DOCK3: variants seen among roughly 807,000 people sequenced by gnomAD.
DOCK3 encodes dedicator of cytokinesis 3.
Under a neutral mutation model 265.6 loss-of-function variants are expected in DOCK3, and 60 were observed. That is an observed-to-expected ratio of 0.23 (90% confidence interval 0.18 to 0.28). The LOEUF (loss-of-function observed/expected upper bound fraction) is 0.28. Ranked by LOEUF, DOCK3 falls within the 10% of genes least tolerant of loss-of-function variation. DOCK3 has a pLI of 1.00. For missense variants in DOCK3, 1,981 were observed against 2,594.3 expected (o/e 0.76, Z 5.14); for synonymous variants, 881 against 938.0 (o/e 0.94, Z 1.11).
At chr3:50,935,314 A>G (rs2051295723) in intron 5 of DOCK3, among the ~76,000 whole-genome samples, 1 of 152,190 alleles carries the variant, frequency 6.6e-6, no homozygotes, top group South Asian at 2.1e-4. Flanking sequence ...TTTTATACAT[A>G]CATCCTCCCC....
intron 1 of DOCK3, among the ~76,000 whole-genome samples, chr3:50,738,734 A>G (rs2038806881): frequency 6.6e-6 from 1 of 152,224 alleles, no homozygotes; most frequent in South Asian, 2.1e-4. Flanking sequence ...CCCAAATCAC[A>G]ATAGAAAATT....
At chr3:51,225,176 C>T (rs1159618355) in intron 14 of DOCK3, among the ~76,000 whole-genome samples, 1 of 152,136 alleles carries the variant, frequency 6.6e-6, no homozygotes, top group Non-Finnish European at 1.5e-5. Context: ...ATCCTCTAGT[C>T]AGACTCAGAA....
At chr3:51,013,011 G>A (rs2079012956) in intron 5 of DOCK3, among the ~76,000 whole-genome samples, 1 of 152,080 alleles carries the variant, frequency 6.6e-6, no homozygotes. Flanking sequence ...GTCATTTCAG[G>A]TCTTCTCCAC....
chr3:51,232,467 G>A (rs1003177994), intron 19 of DOCK3, among the ~76,000 whole-genome samples: 3 of 152,142 alleles, frequency 2.0e-5, no homozygotes, highest in Admixed American at 2.0e-4. Flanking sequence ...TTCCATAGTG[G>A]TTGTACTAAT....
At chr3:51,112,623 G>A (rs961309485) in intron 9 of DOCK3, among the ~76,000 whole-genome samples, 3 of 152,186 alleles carry the variant, frequency 2.0e-5, no homozygotes, top group Non-Finnish European at 4.4e-5. Context: ...TGACAATAAA[G>A]ATAAAAGGAC....
intron 2 of DOCK3, among the ~76,000 whole-genome samples, chr3:50,813,511 G>GT (rs1418328781): frequency 2.0e-5 from 3 of 152,086 alleles, no homozygotes; most frequent in African/African-American, 7.2e-5. Flanking sequence ...GGGTGACAGA[G>GT]TGAGACCTTG....
intron 4 of DOCK3, among the ~76,000 whole-genome samples, chr3:50,903,281 A>G (rs2049299989): frequency 1.3e-5 from 2 of 152,122 alleles, no homozygotes; most frequent in African/African-American, 2.4e-5. Flanking sequence ...TTGCCTTTTC[A>G]ATATGATATT....
chr3:50,790,387 C>T (rs948899966), intron 2 of DOCK3, among the ~76,000 whole-genome samples: 1 of 147,888 alleles, frequency 6.8e-6, no homozygotes, highest in African/African-American at 2.5e-5. Context: ...TTCTCATTTG[C>T]TATTGTTTTA....
chr3:51,027,438 G>T (rs1187170827), intron 5 of DOCK3, among the ~76,000 whole-genome samples: 2 of 151,876 alleles, frequency 1.3e-5, no homozygotes, highest in Non-Finnish European at 2.9e-5. Context: ...ATTTTAGGTG[G>T]GGTATTCTGT....
At chr3:50,932,748 C>T (rs963962033) in intron 4 of DOCK3, among the ~76,000 whole-genome samples, 7 of 152,132 alleles carry the variant, frequency 4.6e-5, no homozygotes, top group Admixed American at 6.5e-5. Context: ...CCTCCCCACA[C>T]GCTTTTCATG....
At chr3:50,847,423 C>T (rs909449475) in intron 3 of DOCK3, among the ~76,000 whole-genome samples, 5 of 152,118 alleles carry the variant, frequency 3.3e-5, no homozygotes, top group Admixed American at 2.0e-4. Context: ...TGTTCTGATT[C>T]CATTCTCTTC....
At chr3:51,280,399 C>T (rs141278332) in intron 27 of DOCK3, among the ~76,000 whole-genome samples, 195 bp downstream of exon 27, 22 of 152,252 alleles carry the variant, frequency 1.4e-4, no homozygotes, top group Non-Finnish European at 2.8e-4. Context: ...GCTGGACCCT[C>T]GTAACACTGC....
At chr3:50,958,684 G>A (rs2076796976) in intron 5 of DOCK3, among the ~76,000 whole-genome samples, 1 of 152,118 alleles carries the variant, frequency 6.6e-6, no homozygotes, top group South Asian at 2.1e-4. Flanking sequence ...TCTATGTTCA[G>A]TACATTACAA....
At chr3:51,318,502 TACAC>T (rs2083494389) in intron 32 of DOCK3, among the ~76,000 whole-genome samples, 1 of 152,206 alleles carries the variant, frequency 6.6e-6, no homozygotes, top group Admixed American at 6.5e-5. Flanking sequence ...ATACAGATCT[TACAC>T]ATATATTATT....
chr3:51,003,363 A>G (rs1158263590), intron 5 of DOCK3, among the ~76,000 whole-genome samples: 1 of 152,236 alleles, frequency 6.6e-6, no homozygotes, highest in Non-Finnish European at 1.5e-5. Context: ...GGTAAGGTCA[A>G]TTTACAAGTG....
rs1227479697 is a variant in DOCK3 at position 51,381,547 on chromosome 3, A to G, written c.6081A>G (p.Arg2027=). The change falls in exon 53 of 53, where the codon CGA becomes CGG. Residue 2027 remains arginine, a synonymous_variant. Transcript: ENST00000266037. This position sits in a 1 kb window ranked among gnomAD's most constrained non-coding sequence, Gnocchi z 5.6. ...EQARMAWEHG[R]GEQ ...CCCGCATGGCCTGGGAGCACGGCCG[A>G]GGGGAGCAGTGAGGGGCAACGAGGC... The G allele has an allele frequency of 1.3e-6, 2 of 1,537,020 alleles. No homozygotes were observed. Among genetic ancestry groups the G allele is most frequent in the Admixed American group, 4.1e-5 (2 of 48,200 alleles).
At chr3:51,122,357 G>C (rs1427113352) in intron 9 of DOCK3, among the ~76,000 whole-genome samples, 1 of 152,142 alleles carries the variant, frequency 6.6e-6, no homozygotes, top group East Asian at 1.9e-4. Context: ...GTGTGCACCT[G>C]TAGTCCTAGG....
intron 2 of DOCK3, among the ~76,000 whole-genome samples, chr3:50,818,513 A>G (rs2044222011): frequency 6.6e-6 from 1 of 152,240 alleles, no homozygotes; most frequent in Non-Finnish European, 1.5e-5. Context: ...GTGATACAAA[A>G]TGTTATAGTT....
At chr3:50,775,008 G>A (rs868336440) in intron 1 of DOCK3, among the ~76,000 whole-genome samples, 1 of 151,652 alleles carries the variant, frequency 6.6e-6, no homozygotes, top group African/African-American at 2.4e-5. Flanking sequence ...TCCCCAGTTG[G>A]TCATGATGCA....
Sources: allele counts gnomAD v4.1 joint callset (sites outside exome capture counted in the v4.1 genomes callset), GRCh38; gene constraint gnomAD v4.1.1; non-coding constraint Gnocchi (gnomAD v3.1); transcripts MANE v1.5; gene names NCBI Gene and HGNC (gene_info 2026-07-23, HGNC 2026-07-21).